The following ANO2 variants were observed in gnomAD, a reference collection of about 807,000 sequenced individuals.
The protein encoded by ANO2 is anoctamin 2, also known as anoctamin-2.
Under a neutral mutation model 124.2 loss-of-function variants are expected in ANO2, and 101 were observed. That is an observed-to-expected ratio of 0.81 (90% confidence interval 0.69 to 0.96). ANO2 has a LOEUF of 0.96. ANO2 is among the 40% of genes least tolerant of loss of function. The pLI is 0.00. For synonymous variants in ANO2, 486 were observed against 482.5 expected, an observed-to-expected ratio of 1.01 and a Z score of -0.09; for missense variants, 1,293 against 1,274.5, an observed-to-expected ratio of 1.01 and a Z score of -0.22.
chr12:5,673,745 A>C lies in ANO2; in HGVS notation c.1546-25944T>G, dbSNP rs567453950. Among the ~76,000 whole-genome samples the C allele has an allele frequency of 1.4e-3, 220 of 152,316 alleles. 1 individual carries two copies. The highest frequency in any genetic ancestry group is 5.1e-3 in the African/African-American group (211 of 41,564). Reference sequence around the variant, plus strand: ...TTACTTTGGTAGCACAGCCCTTCTCAAGCCAGTGGTCACTTCCTATTCTCC... The same window carrying C: ...TTACTTTGGTAGCACAGCCCTTCTCCAGCCAGTGGTCACTTCCTATTCTCC... On this transcript the variant is annotated intron_variant, in intron 14 of 24. Transcript: ENST00000682330.
chr12:5,945,129 G>A, intron 1 of ANO2, 67 bp downstream of exon 1: 4 of 1,262,734 alleles, frequency 3.2e-6, no homozygotes, highest in East Asian at 5.8e-5. Context: ...TTCGGATGCC[G>A]CCTCCTTCAC....
At position 5,923,008 on chromosome 12, in the gene ANO2, G is replaced by A. The variant is rs140581011; in HGVS notation, c.23-204C>T. ...GAAAAGGAAGTGCGGCCCCCCGACT[G>A]CATACACACACGCACACACACATAC... On this transcript the variant is annotated intron_variant, in intron 1 of 24. Transcript: ENST00000682330. Among the ~76,000 whole-genome samples the A allele has an allele frequency of 2.4e-4, 36 of 147,936 alleles. No homozygotes were observed. In the East Asian group the frequency reaches 2.9e-3, roughly 12 times the overall value.
At chr12:5,710,935 G>GA (rs930371379) in intron 14 of ANO2, among the ~76,000 whole-genome samples, 1 of 152,126 alleles carries the variant, frequency 6.6e-6, no homozygotes, top group Non-Finnish European at 1.5e-5. Context: ...GCCGAGGCGG[G>GA]ATCACGAGGT....
chr12:5,774,120 G>T (rs2137124302), intron 10 of ANO2, among the ~76,000 whole-genome samples: 1 of 152,264 alleles, frequency 6.6e-6, no homozygotes, highest in South Asian at 2.1e-4. Context: ...GGGCATGGCA[G>T]AAAAAATAAT....
chr12:5,643,573 A>G (rs891195661), intron 15 of ANO2, among the ~76,000 whole-genome samples: 2 of 152,196 alleles, frequency 1.3e-5, no homozygotes, highest in African/African-American at 2.4e-5. Context: ...ATCCAGGAGT[A>G]GAATTTCTGG....
intron 18 of ANO2, 70 bp downstream of exon 18, chr12:5,612,831 A>T (rs1008411196): frequency 2.8e-5 from 45 of 1,608,364 alleles, no homozygotes; most frequent in Non-Finnish European, 3.7e-5. Context: ...GAATGAAGCC[A>T]TGCTGTGCTG....
chr12:5,933,546 A>G (rs895995196), intron 1 of ANO2, among the ~76,000 whole-genome samples: 2 of 152,164 alleles, frequency 1.3e-5, no homozygotes, highest in African/African-American at 2.4e-5. Flanking sequence ...AAATGGATGG[A>G]CAGATTCCTA....
chr12:5,932,908 A>G (rs1942483246), intron 1 of ANO2, among the ~76,000 whole-genome samples: 1 of 152,186 alleles, frequency 6.6e-6, no homozygotes, highest in Non-Finnish European at 1.5e-5. Context: ...AGAATTAACT[A>G]GGCATCTACC....
At chr12:5,643,332 A>T (rs1946476226) in intron 15 of ANO2, among the ~76,000 whole-genome samples, 1 of 152,188 alleles carries the variant, frequency 6.6e-6, no homozygotes, top group South Asian at 2.1e-4. Context: ...AACTGTATAT[A>T]TTCTTTCATC....
chr12:5,643,278 A>C (rs368574601), intron 15 of ANO2, among the ~76,000 whole-genome samples: 12 of 152,206 alleles, frequency 7.9e-5, no homozygotes, highest in African/African-American at 2.9e-4. Flanking sequence ...ATCCTTAAAC[A>C]ATATAGTTGA....
intron 19 of ANO2, among the ~76,000 whole-genome samples, chr12:5,605,871 A>T (rs78529422): frequency 0.015 from 2,284 of 152,228 alleles, 59 homozygotes; most frequent in African/African-American, 0.05. Context: ...ATGCGTATGA[A>T]CATCATCCTG....
intron 14 of ANO2, among the ~76,000 whole-genome samples, chr12:5,704,766 A>G (rs1320879062): frequency 6.6e-6 from 1 of 151,964 alleles, no homozygotes; most frequent in Non-Finnish European, 1.5e-5. Flanking sequence ...ATTGTGCCCC[A>G]TATTTTCTAA....
chr12:5,938,556 C>T (rs577489146), intron 1 of ANO2, among the ~76,000 whole-genome samples: 8 of 152,180 alleles, frequency 5.3e-5, no homozygotes, highest in South Asian at 2.1e-4. Context: ...CATGGTGGCT[C>T]ACGCCTATAA....
Position 5,881,361 on chromosome 12 carries a change from A to G in ANO2, c.535-27220T>C, listed in dbSNP as rs866330209. Among the ~76,000 whole-genome samples, 16 of 152,272 alleles carry G rather than the reference A, an allele frequency of 1.1e-4. 1 individual carries two copies. The highest frequency in any genetic ancestry group is 3.4e-4 in the African/African-American group (14 of 41,560). On this transcript the variant is annotated intron_variant, in intron 3 of 24. Transcript: ENST00000682330. ...CACCTCTTGCCTTCTGGCTGGGGGA[A>G]TGGAAAAACTCATCATCAGTATAGC... is the stretch of plus-strand genomic sequence containing the variant.
Position 5,916,491 on chromosome 12 carries a change from T to TAAAAAAAAAAAAAA in ANO2, c.534+4548_534+4549insTTTTTTTTTTTTTT, listed in dbSNP as rs769233593. ...CTCTGAATAGAAAAATCGCAGCAGG[T>TAAAAAAAAAAAAAA]TAAAAAAAAAAAAAAAAAAAAAGGC... is the stretch of plus-strand genomic sequence containing the variant. On this transcript the variant is annotated intron_variant, in intron 3 of 24. Transcript: ENST00000682330. Among the ~76,000 whole-genome samples the TAAAAAAAAAAAAAA allele has an allele frequency of 2.3e-3, 228 of 98,086 alleles. 13 individuals are homozygous for TAAAAAAAAAAAAAA. Among genetic ancestry groups the TAAAAAAAAAAAAAA allele is most frequent in the South Asian group, 7.2e-3 (18 of 2,498 alleles). The allele number at this position is 98,086 out of a possible 152,430, so 64.3% of individuals were successfully genotyped here.
chr12:5,777,125 T>C (rs367721143), intron 10 of ANO2, among the ~76,000 whole-genome samples: 21 of 152,348 alleles, frequency 1.4e-4, no homozygotes, highest in African/African-American at 4.6e-4. Context: ...GAAACTGATA[T>C]GAGCCTGAGC....
intron 14 of ANO2, among the ~76,000 whole-genome samples, chr12:5,682,288 G>C (rs1029721587): frequency 2.6e-5 from 4 of 151,954 alleles, no homozygotes; most frequent in African/African-American, 9.7e-5. Flanking sequence ...ATAGACTCTT[G>C]ATGAGTTATA....
At chr12:5,696,531 A>G (rs973135409) in intron 14 of ANO2, among the ~76,000 whole-genome samples, 4 of 152,182 alleles carry the variant, frequency 2.6e-5, no homozygotes, top group African/African-American at 9.6e-5. Flanking sequence ...TTTTTAAATG[A>G]GTTTTATCAA....
chr12:5,695,696 T>A (rs938177353), intron 14 of ANO2, among the ~76,000 whole-genome samples: 3 of 151,974 alleles, frequency 2.0e-5, no homozygotes, highest in African/African-American at 7.3e-5. Flanking sequence ...CAAAAATTAG[T>A]TGGGCCTGGT....
Sources: allele counts gnomAD v4.1 joint callset (sites outside exome capture counted in the v4.1 genomes callset), GRCh38; gene constraint gnomAD v4.1.1; transcripts MANE v1.5; gene names NCBI Gene and HGNC (gene_info 2026-07-23, HGNC 2026-07-21).